Variants in CCDC171 observed in about 807,000 individuals in gnomAD.
The protein encoded by CCDC171 is coiled-coil domain-containing protein 171.
CCDC171 carries 177 observed loss-of-function variants against 168.2 expected under a neutral mutation model. The observed-to-expected ratio is 1.05, with a 90% CI of 0.93 to 1.19. The LOEUF (loss-of-function observed/expected upper bound fraction) is 1.19, where lower values mean the gene tolerates loss of function less well. CCDC171 is among the 50% of genes most tolerant of loss of function. The pLI, the probability that CCDC171 is intolerant of heterozygous loss-of-function variation, is 0.00. For synonymous variants in CCDC171, 687 were observed against 540.8 expected (o/e 1.27, Z -3.75); for missense variants, 1,991 against 1,539.0 (o/e 1.29, Z -4.91).
At chr9:16,108,756 G>A in the CCDC171 span, among the ~76,000 whole-genome samples, 1 of 152,024 alleles carries the variant, frequency 6.6e-6, no homozygotes, top group East Asian at 1.9e-4. Flanking sequence ...AAATATTTGG[G>A]AAAAAAATTA....
chr9:15,679,032 AAAAC>A, intron 10 of CCDC171, 136 bp downstream of exon 10: 2 of 603,136 alleles, frequency 3.3e-6, no homozygotes, highest in Non-Finnish European at 5.5e-6. Context: ...CAAAATTTCC[AAAAC>A]TGGAAATGCT....
At chr9:15,578,701 C>G in intron 3 of CCDC171, 148 bp from the exon 4 acceptor site, 1 of 466,852 alleles carries the variant, frequency 2.1e-6, no homozygotes. Context: ...TAAGGTAGTG[C>G]TTTCTTTCCA....
At chr9:15,766,640 C>G (rs1382887719) in intron 18 of CCDC171, among the ~76,000 whole-genome samples, 10 of 145,978 alleles carry the variant, frequency 6.9e-5, no homozygotes, top group African/African-American at 2.5e-4. Context: ...CTCTTAGTTA[C>G]ATTTATTTTT....
chr9:15,671,107 C>T (rs1420400226), intron 9 of CCDC171, among the ~76,000 whole-genome samples: 5 of 152,112 alleles, frequency 3.3e-5, no homozygotes, highest in African/African-American at 9.7e-5. Flanking sequence ...CAAAACAAAA[C>T]AGAAAATACT....
At chr9:15,865,110 T>G (rs1182037532) in intron 23 of CCDC171, among the ~76,000 whole-genome samples, 3 of 151,988 alleles carry the variant, frequency 2.0e-5, no homozygotes, top group African/African-American at 7.2e-5. Flanking sequence ...TGTCTATAAA[T>G]CCTTTAAATT....
At chr9:15,687,630 C>T (rs1329880453) in intron 10 of CCDC171, among the ~76,000 whole-genome samples, 1 of 152,014 alleles carries the variant, frequency 6.6e-6, no homozygotes, top group African/African-American at 2.4e-5. Context: ...CAATTGATAA[C>T]TTTAGCTACA....
At chr9:15,812,264 C>A (rs1298815949) in intron 21 of CCDC171, among the ~76,000 whole-genome samples, 1 of 152,124 alleles carries the variant, frequency 6.6e-6, no homozygotes, top group Non-Finnish European at 1.5e-5. Flanking sequence ...TCAAGGAAAC[C>A]ACCATTAAGT....
At chr9:15,746,863 A>T (rs1033438550) in intron 18 of CCDC171, among the ~76,000 whole-genome samples, 1 of 152,168 alleles carries the variant, frequency 6.6e-6, no homozygotes, top group South Asian at 2.1e-4. Context: ...AAGCTGTGAG[A>T]GACTGTACTG....
intron 16 of CCDC171, 73 bp downstream of exon 16, chr9:15,729,871 G>A: frequency 8.6e-7 from 1 of 1,161,930 alleles, no homozygotes; most frequent in Non-Finnish European, 1.2e-6. Context: ...TTTTTTTTCA[G>A]TAGCAGTGCT....
At chr9:16,006,104 T>A (rs773773204) in intron 3 of CCDC171, among the ~76,000 whole-genome samples, 1 of 151,944 alleles carries the variant, frequency 6.6e-6, no homozygotes, top group Non-Finnish European at 1.5e-5. Flanking sequence ...TCAGGTGATC[T>A]GCCCATCTTG....
intron 6 of CCDC171, among the ~76,000 whole-genome samples, chr9:15,600,693 G>A (rs2042774540): frequency 6.6e-6 from 1 of 152,214 alleles, no homozygotes; most frequent in Non-Finnish European, 1.5e-5. Context: ...GTCTGCAGAG[G>A]TTTCTGCTGC....
chr9:16,083,530 T>C, the CCDC171 span, among the ~76,000 whole-genome samples: 13 of 152,304 alleles, frequency 8.5e-5, no homozygotes, highest in African/African-American at 2.6e-4. Flanking sequence ...TAACTACCAT[T>C]GTTGGAAAGT....
chr9:15,863,409 G>A lies in CCDC171; in HGVS notation c.3469-11123G>A, dbSNP rs115719499. On this transcript the variant is annotated intron_variant, in intron 23 of 25. Coordinates refer to ENST00000380701, the MANE Select transcript of CCDC171 (RefSeq NM_173550.4). Reference sequence around the variant, plus strand: ...TCAGTGTGTCCATGGGGGAAGGAGAGTCCAGGGTTTCCTATTCCACCATCT... The same window carrying A: ...TCAGTGTGTCCATGGGGGAAGGAGAATCCAGGGTTTCCTATTCCACCATCT... Among the ~76,000 whole-genome samples the A allele has an allele frequency of 8.5e-3, 1,286 of 152,078 alleles. 16 individuals are homozygous for A. Among genetic ancestry groups the A allele is most frequent in the African/African-American group, 0.029 (1,220 of 41,524 alleles).
At chr9:15,646,784 T>A (rs1156434213) in intron 7 of CCDC171, among the ~76,000 whole-genome samples, 1 of 152,048 alleles carries the variant, frequency 6.6e-6, no homozygotes, top group African/African-American at 2.4e-5. Flanking sequence ...AGACTTAGAC[T>A]CCCACACAAT....
intron 9 of CCDC171, among the ~76,000 whole-genome samples, chr9:15,666,924 C>G (rs1187627159): frequency 1.3e-5 from 2 of 152,148 alleles, no homozygotes; most frequent in Non-Finnish European, 2.9e-5. Flanking sequence ...TGCATTGTGG[C>G]TCACTTCATA....
chr9:15,983,641 T>C (rs1258856679), intron 3 of CCDC171, among the ~76,000 whole-genome samples: 1 of 152,132 alleles, frequency 6.6e-6, no homozygotes, highest in Non-Finnish European at 1.5e-5. Flanking sequence ...GGATAAACAT[T>C]TGTGTTTCAT....
chr9:15,642,965 A>G (rs2046757861), intron 7 of CCDC171, among the ~76,000 whole-genome samples: 2 of 152,182 alleles, frequency 1.3e-5, no homozygotes, highest in African/African-American at 4.8e-5. Context: ...TATGACTATC[A>G]TTTTGATAAA....
chr9:15,651,983 C>T (rs568809558), intron 7 of CCDC171, among the ~76,000 whole-genome samples: 18 of 152,254 alleles, frequency 1.2e-4, no homozygotes, highest in African/African-American at 4.3e-4. Flanking sequence ...TCTCAGCTCA[C>T]TGAAGTCTCA....
At chr9:15,559,149 C>T (rs950922305) in intron 1 of CCDC171, among the ~76,000 whole-genome samples, 1 of 152,078 alleles carries the variant, frequency 6.6e-6, no homozygotes, top group African/African-American at 2.4e-5. Flanking sequence ...TGCTTTACTT[C>T]CAACTATGTG....
Sources: gnomAD v4.1 joint callset for allele counts (sites outside exome capture counted in the v4.1 genomes callset) on GRCh38, gnomAD v4.1.1 for gene constraint, MANE v1.5 for transcripts, NCBI Gene and HGNC (gene_info 2026-07-23, HGNC 2026-07-21) for gene names.